Variants in CYTH3 observed in about 807,000 individuals in gnomAD.
CYTH3 encodes the protein cytohesin 3, also known as cytohesin-3.
CYTH3 carries 23 observed loss-of-function variants against 55.1 expected under a neutral mutation model. The ratio of observed to expected loss-of-function variants is 0.42; its 90% CI spans 0.30 to 0.59. CYTH3 has a LOEUF of 0.59. Among genes scored for constraint, CYTH3 ranks in the 20% least tolerant of loss-of-function variants. The probability of loss-of-function intolerance (pLI) is 0.20; values close to 1 mark genes in which losing one functional copy is unlikely to be tolerated. For missense variants in CYTH3, 413 were observed against 524.8 expected, an observed-to-expected ratio of 0.79 and a Z score of 2.08; for synonymous variants, 249 against 194.9, an observed-to-expected ratio of 1.28 and a Z score of -2.31.
intron 1 of CYTH3, among the ~76,000 whole-genome samples, chr7:6,223,282 G>A (rs1220024820): frequency 6.6e-6 from 1 of 152,110 alleles, no homozygotes; most frequent in African/African-American, 2.4e-5. Flanking sequence ...TGGGAAGTGA[G>A]GAGCGCCTCT....
chr7:6,178,717 T>C (rs1783407125), intron 4 of CYTH3, among the ~76,000 whole-genome samples: 1 of 152,310 alleles, frequency 6.6e-6, no homozygotes, highest in East Asian at 1.9e-4. Flanking sequence ...TTCTATTACC[T>C]GATGCCAAAA....
At chr7:6,183,082 C>T (rs1170186017) in intron 4 of CYTH3, among the ~76,000 whole-genome samples, 13 of 152,226 alleles carry the variant, frequency 8.5e-5, no homozygotes, top group Admixed American at 6.5e-4. Context: ...TGCCACCCAC[C>T]GAGGACGCTG....
At chr7:6,216,526 C>T (rs1439012155) in intron 1 of CYTH3, among the ~76,000 whole-genome samples, 26 of 151,770 alleles carry the variant, frequency 1.7e-4, no homozygotes, top group Admixed American at 1.7e-3. Flanking sequence ...ATTACCTGAG[C>T]TCAGGAGTTT....
At chr7:6,252,494 C>T (rs984881068) in intron 1 of CYTH3, among the ~76,000 whole-genome samples, 5 of 152,140 alleles carry the variant, frequency 3.3e-5, no homozygotes, top group Admixed American at 2.6e-4. Context: ...AGGGAGACTC[C>T]GAGACCCTGT....
chr7:6,241,172 G>C (rs1779663545), intron 1 of CYTH3, among the ~76,000 whole-genome samples: 1 of 152,054 alleles, frequency 6.6e-6, no homozygotes, highest in Non-Finnish European at 1.5e-5. Flanking sequence ...ATGATCTTCT[G>C]CACGACAAAA....
chr7:6,254,475 G>A (rs1780051307), intron 1 of CYTH3, among the ~76,000 whole-genome samples: 1 of 152,238 alleles, frequency 6.6e-6, no homozygotes, highest in Non-Finnish European at 1.5e-5. Context: ...TTGAGACGGA[G>A]TCTCGTTCTG....
chr7:6,176,963 T>C (rs529948991), intron 5 of CYTH3, among the ~76,000 whole-genome samples: 4 of 152,378 alleles, frequency 2.6e-5, no homozygotes, highest in Admixed American at 2.6e-4. Context: ...CCTGTATTTG[T>C]TGAGAAGATC....
rs746865198 is a variant in CYTH3 at position 6,170,813 on chromosome 7, CGGGCCGGGGA to C, written c.711+7_711+16del. 3.1e-6 allele frequency: 5 copies of C among 1,602,784 alleles called. No homozygotes were observed. The highest frequency in any genetic ancestry group is 4.3e-6 in the Non-Finnish European group (5 of 1,174,578). On this transcript the variant is annotated splice_region_variant and intron_variant, in intron 8 of 12. Coordinates refer to ENST00000350796, the MANE Select transcript of CYTH3 (RefSeq NM_004227.4). This position sits in a 1 kb window ranked among gnomAD's most constrained non-coding sequence, Gnocchi z 7.8. Reference sequence around the variant, plus strand: ...GAGATCCTGCAGACGGCAGCGGCCGCGGGCCGGGGAGCTCACCCTCAGCAGCTCCTCAGGG... The same window carrying C: ...GAGATCCTGCAGACGGCAGCGGCCGCGCTCACCCTCAGCAGCTCCTCAGGG...
At chr7:6,186,966 C>G in intron 4 of CYTH3, 84 bp downstream of exon 4, 1 of 1,415,594 alleles carries the variant, frequency 7.1e-7, no homozygotes, top group South Asian at 1.2e-5. Context: ...CGGACCACCT[C>G]TGACCTCTGT....
chr7:6,247,428 T>G (rs912244203), intron 1 of CYTH3, among the ~76,000 whole-genome samples: 2 of 152,176 alleles, frequency 1.3e-5, no homozygotes, highest in African/African-American at 2.4e-5. Context: ...GCTCGTTTTT[T>G]TTCAGCTCAA....
At chr7:6,246,601 C>G (rs1779824480) in intron 1 of CYTH3, among the ~76,000 whole-genome samples, 1 of 151,906 alleles carries the variant, frequency 6.6e-6, no homozygotes, top group Non-Finnish European at 1.5e-5. Flanking sequence ...CTGTATTTTT[C>G]TAATTATCAA....
In CYTH3 at chr7:6,171,117, C is replaced by CGCT; in HGVS notation, c.562+82_562+84dup. ...GGGAAGGCAGGTCCCCAGGAACACA[C>CGCT]GCTGGGCTGTGCCCACAGGGGCCGC... On this transcript the variant is annotated intron_variant, in intron 7 of 12. Transcript: ENST00000350796. This position sits in a 1 kb window ranked among gnomAD's most constrained non-coding sequence, Gnocchi z 6.7. 6.3e-7 allele frequency: 1 copy of CGCT among 1,584,790 alleles called. No homozygotes were observed. The highest frequency in any genetic ancestry group is 8.6e-7 in the Non-Finnish European group (1 of 1,156,376).
At chr7:6,180,938 T>G (rs1783490038) in intron 4 of CYTH3, among the ~76,000 whole-genome samples, 1 of 152,210 alleles carries the variant, frequency 6.6e-6, no homozygotes, top group African/African-American at 2.4e-5. Flanking sequence ...ACTGATTAGT[T>G]AGCACTTACT....
intron 4 of CYTH3, among the ~76,000 whole-genome samples, chr7:6,184,855 C>G (rs143201111): frequency 2.0e-5 from 3 of 152,142 alleles, no homozygotes; most frequent in Admixed American, 6.5e-5. Context: ...TGGGATTATA[C>G]GCGTAAGCCA....
Position 6,174,807 on chromosome 7 carries a change from A to C in CYTH3, c.369-1074T>G, listed in dbSNP as rs965171027. ...CGTGATCCACCCACCTCGGCCTCCC[A>C]AAGTGCTGGGATTACAGGCCTGAGC... On this transcript the variant is annotated intron_variant, in intron 5 of 12. Transcript: ENST00000350796. Among the ~76,000 whole-genome samples, 5 of 152,240 alleles carry C rather than the reference A, an allele frequency of 3.3e-5. No individual in the cohort carries two copies. The South Asian group carries it at 1.0e-3, about 32-fold the overall frequency.
In CYTH3 at chr7:6,194,772, C is replaced by G. The variant is rs187235969; in HGVS notation, c.35-4241G>C. On this transcript the variant is annotated intron_variant, in intron 1 of 12. Coordinates refer to ENST00000350796, the MANE Select transcript of CYTH3 (RefSeq NM_004227.4). ...CAGGCGGATCATGACGTCAAGAGAT[C>G]GAGAGCATCCTGGCTAACATGGTGA... 2.6e-5 allele frequency among the ~76,000 whole-genome samples: 4 copies of G among 152,096 alleles called. No individual in the cohort carries two copies. In the South Asian group the frequency reaches 8.3e-4, roughly 32 times the overall value.
At chr7:6,251,963 C>T (rs1438827937) in intron 1 of CYTH3, among the ~76,000 whole-genome samples, 1 of 152,208 alleles carries the variant, frequency 6.6e-6, no homozygotes, top group African/African-American at 2.4e-5. Flanking sequence ...GTGAAAATCA[C>T]TAGTCTTATG....
At chr7:6,270,821 A>G (rs930553434) in intron 1 of CYTH3, among the ~76,000 whole-genome samples, 6 of 152,192 alleles carry the variant, frequency 3.9e-5, no homozygotes, top group African/African-American at 1.4e-4. Flanking sequence ...ATCCTTTGTT[A>G]TAGTACTCAA....
At chr7:6,173,783 AT>A in intron 5 of CYTH3, 50 bp from the exon 6 acceptor site, 2 of 1,058,158 alleles carry the variant, frequency 1.9e-6, no homozygotes, top group Non-Finnish European at 3.0e-6. Context: ...TATCGCAATC[AT>A]TTTAAAAGAT....
Sources: gnomAD v4.1 joint callset for allele counts (sites outside exome capture counted in the v4.1 genomes callset) on GRCh38, gnomAD v4.1.1 for gene constraint, Gnocchi (gnomAD v3.1) non-coding constraint, MANE v1.5 for transcripts, NCBI Gene and HGNC (gene_info 2026-07-23, HGNC 2026-07-21) for gene names.